CPVL: variants seen among roughly 807,000 people sequenced by gnomAD.
CPVL encodes probable serine carboxypeptidase CPVL.
A neutral mutation model predicts 63.7 loss-of-function variants in CPVL; 51 were observed. That is an observed-to-expected ratio of 0.80 (90% CI 0.64 to 1.01). The LOEUF (loss-of-function observed/expected upper bound fraction) is 1.01. CPVL is among the 50% of genes least tolerant of loss of function. CPVL has a pLI of 0.00. For synonymous variants in CPVL, 195 were observed against 206.0 expected, an observed-to-expected ratio of 0.95 and a Z score of 0.46; for missense variants, 530 against 573.1, an observed-to-expected ratio of 0.92 and a Z score of 0.77.
rs323182 is a variant in CPVL at position 29,112,755 on chromosome 7, G to A, written c.237C>T (p.Thr79=). Residue 79 remains threonine, a synonymous_variant, in exon 3 of 13, where the codon ACC becomes ACT. Coordinates refer to ENST00000265394, the MANE Select transcript of CPVL (RefSeq NM_031311.5). The stretch of plus-strand genomic sequence containing the variant: ...GGTTGCTGTTGTAAGTCTTATTCAC[G>A]GTGAGGAAGCCGGCATAACTCTTCA... ...LNMKSYAGFL[T]VNKTYNSNLF... is the part of the protein sequence containing the mutation. 169,208 of 1,610,100 alleles carry A rather than the reference G, an allele frequency of 0.11. 9,821 individuals carry two copies. Among genetic ancestry groups the A allele is most frequent in the African/African-American group, 0.14 (10,491 of 74,838 alleles).
chr7:29,040,074 C>CA (rs1421605387), intron 11 of CPVL, among the ~76,000 whole-genome samples: 8 of 146,200 alleles, frequency 5.5e-5, no homozygotes, highest in African/African-American at 2.0e-4. Flanking sequence ...GTTCACTAAT[C>CA]CAAAAAAAAA....
intron 5 of CPVL, among the ~76,000 whole-genome samples, chr7:29,158,163 A>G (rs1303816482): frequency 6.6e-6 from 1 of 152,214 alleles, no homozygotes; most frequent in African/African-American, 2.4e-5. Flanking sequence ...AGGTTTCCTT[A>G]GAGTTGAGTA....
chr7:29,184,039 T>C (rs1160641069), intron 4 of CPVL, among the ~76,000 whole-genome samples: 1 of 152,018 alleles, frequency 6.6e-6, no homozygotes, highest in Non-Finnish European at 1.5e-5. Context: ...TACTACACTA[T>C]TTTATATAAG....
intron 2 of CPVL, among the ~76,000 whole-genome samples, chr7:29,115,453 T>C (rs575634124): frequency 2.6e-5 from 4 of 152,262 alleles, no homozygotes; most frequent in Non-Finnish European, 5.9e-5. Context: ...AAAGTGGTTT[T>C]TGCCACTCCT....
chr7:28,995,759 T>C lies in CPVL; in HGVS notation c.*13A>G, dbSNP rs577834415. ...CAATGAAAACCTCTGATGTTCTCTT[T>C]TGGGAAGGTAGTTTATCCAACATAA... On this transcript the variant is annotated 3_prime_UTR_variant, in exon 13 of 13. Coordinates refer to ENST00000265394, the MANE Select transcript of CPVL (RefSeq NM_031311.5). 2 of 1,457,192 alleles carry C rather than the reference T, an allele frequency of 1.4e-6. No homozygotes were observed. The highest frequency in any genetic ancestry group is 2.3e-5 in the East Asian group (1 of 43,402). 90.3% of individuals were successfully genotyped at this position (1,457,192 alleles called of 1,614,324 possible). A position where few individuals can be genotyped will look rare whatever the true frequency, so the allele number is the denominator to read the frequency against.
At chr7:29,083,425 A>T (rs947619317) in intron 7 of CPVL, among the ~76,000 whole-genome samples, 1 of 152,172 alleles carries the variant, frequency 6.6e-6, no homozygotes, top group Non-Finnish European at 1.5e-5. Flanking sequence ...GCCAATTTGT[A>T]TATTCCAACC....
chr7:29,146,444 C>A lies in CPVL; in HGVS notation c.-26G>T. 1 of 1,296,406 alleles carries A rather than the reference C, an allele frequency of 7.7e-7. No homozygotes were observed. Among genetic ancestry groups the A allele is most frequent in the Non-Finnish European group, 1.0e-6 (1 of 970,880 alleles). The allele number at this position is 1,296,406 out of a possible 1,614,324, so 80.3% of individuals were successfully genotyped here. ...CGGCACTTACGCGGCGCAGTCGGTG[C>A]TCCTCCCTGAGCCGCGGCGCGCAAG... On this transcript the variant is annotated 5_prime_UTR_variant, in exon 1 of 13. Transcript: ENST00000265394.
At chr7:29,174,749 A>G (rs1170494535) in intron 5 of CPVL, among the ~76,000 whole-genome samples, 1 of 152,036 alleles carries the variant, frequency 6.6e-6, no homozygotes. Flanking sequence ...AATCCCAGCT[A>G]CTTGGGAGGC....
At chr7:29,132,774 G>A (rs1018372180) in intron 1 of CPVL, among the ~76,000 whole-genome samples, 2 of 152,152 alleles carry the variant, frequency 1.3e-5, no homozygotes, top group African/African-American at 2.4e-5. Context: ...AGCTCCCTCA[G>A]AGGCCTCAAA....
At chr7:29,135,633 A>T (rs1042426000) in intron 1 of CPVL, among the ~76,000 whole-genome samples, 1 of 152,130 alleles carries the variant, frequency 6.6e-6, no homozygotes, top group South Asian at 2.1e-4. Context: ...CGCCCAGCCT[A>T]TATCAATCAT....
At chr7:29,030,780 C>G (rs772597879) in intron 11 of CPVL, 21 bp from the exon 12 acceptor site, 2 of 1,583,116 alleles carry the variant, frequency 1.3e-6, no homozygotes, top group East Asian at 2.3e-5. Flanking sequence ...ATCAAGCCAT[C>G]AGCAAATGCA....
At chr7:29,090,166 C>A (rs1296871698) in intron 6 of CPVL, among the ~76,000 whole-genome samples, 1 of 152,126 alleles carries the variant, frequency 6.6e-6, no homozygotes, top group Non-Finnish European at 1.5e-5. Flanking sequence ...CCTGGCCACC[C>A]TTGAATTCTT....
At chr7:29,050,113 C>A (rs1248005313) in intron 11 of CPVL, among the ~76,000 whole-genome samples, 1 of 152,132 alleles carries the variant, frequency 6.6e-6, no homozygotes, top group Non-Finnish European at 1.5e-5. Context: ...TGCCCATTCT[C>A]ACCACTCCTC....
At chr7:29,014,357 G>C (rs1388663518) in intron 12 of CPVL, among the ~76,000 whole-genome samples, 3 of 152,102 alleles carry the variant, frequency 2.0e-5, no homozygotes, top group African/African-American at 7.2e-5. Flanking sequence ...GTTTGAGACA[G>C]GGTCTTACTC....
At chr7:29,112,227 G>A (rs1013364105) in intron 3 of CPVL, among the ~76,000 whole-genome samples, 4 of 152,116 alleles carry the variant, frequency 2.6e-5, no homozygotes, top group Non-Finnish European at 5.9e-5. Flanking sequence ...TGCTCAATAA[G>A]TGGGTACTGA....
chr7:29,188,487 T>G (rs1300607327), intron 1 of CPVL, among the ~76,000 whole-genome samples: 6 of 152,240 alleles, frequency 3.9e-5, no homozygotes, highest in Non-Finnish European at 5.9e-5. Flanking sequence ...TCAGATATTG[T>G]GTCTGTTAGC....
intron 11 of CPVL, among the ~76,000 whole-genome samples, chr7:29,036,859 G>A (rs1418645389): frequency 6.6e-6 from 1 of 152,118 alleles, no homozygotes; most frequent in Non-Finnish European, 1.5e-5. Context: ...CAGAAGGCAG[G>A]TGTTATTTAT....
In CPVL at chr7:29,096,128, A is replaced by T. The variant is rs201010745; in HGVS notation, c.378T>A (p.Pro126=). ...SMFGLFVEHG[P]YVVTSNMTLR... ...AGGTCATGTTACTTGTGACAACATA[A>T]GGCCCATGTTCCACAAAGAGTCCAA... Residue 126 remains proline (P), a synonymous_variant, in exon 4 of 13, where the codon CCT becomes CCA. Transcript: ENST00000265394. 6.2e-7 allele frequency: 1 copy of T among 1,614,044 alleles called. No homozygotes were observed. The highest frequency in any genetic ancestry group is 2.2e-5 in the East Asian group (1 of 44,878).
At chr7:29,159,672 C>T (rs1427347752) in intron 5 of CPVL, among the ~76,000 whole-genome samples, 2 of 152,116 alleles carry the variant, frequency 1.3e-5, no homozygotes, top group African/African-American at 4.8e-5. Context: ...GTGAGATCTA[C>T]CCTGACCCCC....
Sources: allele counts gnomAD v4.1 joint callset (sites outside exome capture counted in the v4.1 genomes callset), GRCh38; gene constraint gnomAD v4.1.1; transcripts MANE v1.5; gene names NCBI Gene and HGNC (gene_info 2026-07-23, HGNC 2026-07-21).